The following INVS variants were observed in gnomAD, a reference collection of about 807,000 sequenced individuals.
INVS encodes inversion of embryo turning homolog.
In INVS, 86 loss-of-function variants were observed where a neutral mutation model predicts 108.8. That is an observed-to-expected ratio of 0.79 (90% CI 0.66 to 0.95). The LOEUF (loss-of-function observed/expected upper bound fraction) is 0.95, where lower values mean the gene tolerates loss of function less well. Among genes scored for constraint, INVS ranks in the 40% least tolerant of loss-of-function variants. INVS has a pLI of 0.00. For synonymous variants in INVS, 455 were observed against 473.5 expected (o/e 0.96, Z 0.51); for missense variants, 1,169 against 1,297.4 (o/e 0.90, Z 1.52).
intron 3 of INVS, among the ~76,000 whole-genome samples, chr9:100,195,708 G>A (rs10989009): frequency 0.3 from 46,130 of 151,754 alleles, 8,110 homozygotes; most frequent in Non-Finnish European, 0.41. Flanking sequence ...GGCTAGTCTC[G>A]AACTCCTAAC....
chr9:100,134,463 A>T (rs1168610637), intron 3 of INVS, among the ~76,000 whole-genome samples: 1 of 152,186 alleles, frequency 6.6e-6, no homozygotes, highest in African/African-American at 2.4e-5. Flanking sequence ...GATACCGAGT[A>T]ATGGGATTGC....
intron 3 of INVS, among the ~76,000 whole-genome samples, chr9:100,189,045 G>A (rs902892575): frequency 5.5e-5 from 8 of 145,338 alleles, no homozygotes; most frequent in Admixed American, 2.1e-4. Context: ...TTGTATTTCT[G>A]TGTTACAGAT....
intron 7 of INVS, among the ~76,000 whole-genome samples, chr9:100,245,120 C>A (rs906023085): frequency 2.6e-5 from 4 of 152,158 alleles, no homozygotes; most frequent in African/African-American, 9.7e-5. Flanking sequence ...AACTCTTTTA[C>A]CTCCATTCAA....
chr9:100,181,842 A>T (rs1324715739), intron 3 of INVS, among the ~76,000 whole-genome samples: 1 of 152,154 alleles, frequency 6.6e-6, no homozygotes. Context: ...AGCTGGAGAC[A>T]TCATGCTACC....
intron 3 of INVS, among the ~76,000 whole-genome samples, chr9:100,169,367 T>G (rs891916201): frequency 1.3e-5 from 2 of 152,200 alleles, no homozygotes; most frequent in Non-Finnish European, 2.9e-5. Flanking sequence ...TATGGTATAA[T>G]GCCATCATTT....
chr9:100,131,693 T>A (rs1310470397), intron 3 of INVS, among the ~76,000 whole-genome samples: 2 of 152,220 alleles, frequency 1.3e-5, no homozygotes, highest in Admixed American at 6.5e-5. Context: ...TATGCATGTT[T>A]AATCTTCCAG....
At chr9:100,190,760 A>G (rs1830195218) in intron 3 of INVS, among the ~76,000 whole-genome samples, 1 of 152,122 alleles carries the variant, frequency 6.6e-6, no homozygotes, top group African/African-American at 2.4e-5. Flanking sequence ...TTTCCTTTAT[A>G]GGTTACCTGA....
At chr9:100,270,106 AT>A (rs921053368) in intron 11 of INVS, among the ~76,000 whole-genome samples, 1 of 142,650 alleles carries the variant, frequency 7.0e-6, no homozygotes, top group African/African-American at 2.5e-5. Flanking sequence ...AATTTGGGGG[AT>A]TTTTTTTACT....
At chr9:100,260,251 A>G (rs1257945616) in intron 10 of INVS, among the ~76,000 whole-genome samples, 1 of 136,012 alleles carries the variant, frequency 7.4e-6, no homozygotes, top group Non-Finnish European at 1.5e-5. Flanking sequence ...GTGCAGTGGC[A>G]CAACCTCGGC....
intron 3 of INVS, chr9:100,130,360 A>G (rs2118908806): frequency 6.6e-6 from 1 of 152,334 alleles, no homozygotes; most frequent in African/African-American, 2.4e-5. Flanking sequence ...TAATATGGCA[A>G]CTAAAGCTAC....
At chr9:100,125,212 T>A (rs527309037) in intron 2 of INVS, among the ~76,000 whole-genome samples, 41 of 152,348 alleles carry the variant, frequency 2.7e-4, no homozygotes, top group African/African-American at 9.6e-4. Flanking sequence ...CTCATTGCTA[T>A]CCTTTGCTTA....
intron 3 of INVS, among the ~76,000 whole-genome samples, chr9:100,134,052 A>G (rs1828141905): frequency 6.6e-6 from 1 of 152,034 alleles, no homozygotes; most frequent in African/African-American, 2.4e-5. Context: ...CGAGCAGTAT[A>G]TGCCGCACCA....
At chr9:100,117,023 A>T (rs1197769827) in intron 2 of INVS, 1 of 1,435,578 alleles carries the variant, frequency 7.0e-7, no homozygotes, top group East Asian at 2.3e-5. Context: ...CGCCGAGACA[A>T]TGCCAGTGCC....
intron 4 of INVS, 136 bp downstream of exon 4, chr9:100,226,371 CAG>C (rs1417629560): frequency 2.9e-6 from 2 of 693,278 alleles, no homozygotes; most frequent in Non-Finnish European, 4.8e-6. Flanking sequence ...CCATACATCT[CAG>C]GGAAGTATTT....
At chr9:100,112,630 A>G (rs184060162) in intron 2 of INVS, among the ~76,000 whole-genome samples, 1 of 152,122 alleles carries the variant, frequency 6.6e-6, no homozygotes, top group Non-Finnish European at 1.5e-5. Flanking sequence ...TGGGCTACAC[A>G]TAAAATACAC....
At chr9:100,291,814 T>C (rs1833623673) in intron 13 of INVS, among the ~76,000 whole-genome samples, 1 of 152,210 alleles carries the variant, frequency 6.6e-6, no homozygotes, top group African/African-American at 2.4e-5. Flanking sequence ...GGAGAGCAGA[T>C]TTTAAAATCT....
At chr9:100,104,363 C>T in intron 1 of INVS, 135 bp from the exon 2 acceptor site, 1 of 679,994 alleles carries the variant, frequency 1.5e-6, no homozygotes, top group South Asian at 1.5e-5. Flanking sequence ...CTGCACCCAG[C>T]CAGGACTATA....
At chr9:100,273,604 C>T (rs1323319752) in intron 12 of INVS, among the ~76,000 whole-genome samples, 1 of 148,206 alleles carries the variant, frequency 6.7e-6, no homozygotes, top group African/African-American at 2.5e-5. Flanking sequence ...GTGGCACAAC[C>T]TCGGCTCACT....
At chr9:100,144,937 G>C (rs550813909) in intron 3 of INVS, among the ~76,000 whole-genome samples, 1 of 152,226 alleles carries the variant, frequency 6.6e-6, no homozygotes, top group East Asian at 1.9e-4. Flanking sequence ...ATGCCTGGAC[G>C]TCAGGCACCT....
Sources: allele counts gnomAD v4.1 joint callset (sites outside exome capture counted in the v4.1 genomes callset), GRCh38; gene constraint gnomAD v4.1.1; transcripts MANE v1.5; gene names NCBI Gene and HGNC (gene_info 2026-07-23, HGNC 2026-07-21).